MRC1: variants seen among roughly 807,000 people sequenced by gnomAD.
MRC1 encodes macrophage mannose receptor 1.
In MRC1, 62 loss-of-function variants were observed where a neutral mutation model predicts 102.9. That is an observed-to-expected ratio of 0.60 (90% CI 0.49 to 0.74). The LOEUF (loss-of-function observed/expected upper bound fraction) is 0.74, where lower values mean the gene tolerates loss of function less well. Among genes scored for constraint, MRC1 ranks in the 30% least tolerant of loss-of-function variants. The probability of loss-of-function intolerance (pLI) is 0.00; values close to 1 mark genes in which losing one functional copy is unlikely to be tolerated. For synonymous variants in MRC1, 457 were observed against 298.4 expected, an observed-to-expected ratio of 1.53 and a Z score of -5.48; for missense variants, 1,237 against 862.8, an observed-to-expected ratio of 1.43 and a Z score of -5.43.
chr10:17,818,492 G>A (rs1174359846), intron 1 of MRC1, among the ~76,000 whole-genome samples: 8 of 152,294 alleles, frequency 5.3e-5, no homozygotes, highest in African/African-American at 1.7e-4. Context: ...AATAAAATGA[G>A]TTAGGATGAT....
chr10:17,822,876 G>A (rs1274522763), intron 1 of MRC1, among the ~76,000 whole-genome samples, 198 bp from the exon 2 acceptor site: 2 of 152,086 alleles, frequency 1.3e-5, no homozygotes, highest in Non-Finnish European at 2.9e-5. Context: ...CTCAGTCCAG[G>A]TTCTCCTTCC....
chr10:17,813,771 C>A (rs1838264294), intron 1 of MRC1, among the ~76,000 whole-genome samples: 1 of 149,920 alleles, frequency 6.7e-6, no homozygotes. Context: ...GATCATTGCT[C>A]ACTGTAGCCT....
chr10:17,810,161 C>T (rs920312526), intron 1 of MRC1, among the ~76,000 whole-genome samples: 36 of 152,260 alleles, frequency 2.4e-4, no homozygotes, highest in Non-Finnish European at 4.7e-4. Flanking sequence ...TTAGAGATTA[C>T]TCATTAGGAA....
At position 17,850,288 on chromosome 10, in the gene MRC1, C is replaced by G. The variant is rs1385695282; in HGVS notation, c.1249+524C>G. Among the ~76,000 whole-genome samples, 5 of 129,084 alleles carry G rather than the reference C, an allele frequency of 3.9e-5. No homozygotes were observed. In the East Asian group the frequency reaches 1.2e-3, roughly 30 times the overall value. The allele number at this position is 129,084 out of a possible 152,430, so 84.7% of individuals were successfully genotyped here. ...TTTTTTTGAAATGGTTAGATGTCAG[C>G]CTAAACCTTTTAAAGGAATATATTT... On this transcript the variant is annotated intron_variant, in intron 7 of 29. Transcript: ENST00000569591.
chr10:17,816,740 T>A (rs1217716433), intron 1 of MRC1, among the ~76,000 whole-genome samples: 6 of 152,216 alleles, frequency 3.9e-5, no homozygotes, highest in African/African-American at 1.4e-4. Flanking sequence ...TCCTCTTATC[T>A]GGCTTCTCTG....
chr10:17,895,378 C>T (rs1833740363), intron 23 of MRC1, among the ~76,000 whole-genome samples: 1 of 151,196 alleles, frequency 6.6e-6, no homozygotes, highest in African/African-American at 2.4e-5. Flanking sequence ...TTTTTTTAAC[C>T]AGACAGTTTT....
Position 17,809,412 on chromosome 10 carries a change from G to A in MRC1, c.-54G>A, listed in dbSNP as rs990844800. On this transcript the variant is annotated 5_prime_UTR_variant, in exon 1 of 30. Transcript: ENST00000569591. ...CAGTTGGGGGGCCTCGTTGTTTTGC[G>A]TCTTAGTTCCGCCCTCCTGTCCATC... 33 of 870,808 alleles carry A rather than the reference G, an allele frequency of 3.8e-5. No homozygotes were observed. Among genetic ancestry groups the A allele is most frequent in the East Asian group, 2.9e-4 (12 of 41,684 alleles). The allele number at this position is 870,808 out of a possible 1,614,324, so 53.9% of individuals were successfully genotyped here.
chr10:17,836,616 C>T (rs1256153715), intron 4 of MRC1, among the ~76,000 whole-genome samples: 1 of 152,072 alleles, frequency 6.6e-6, no homozygotes, highest in Non-Finnish European at 1.5e-5. Flanking sequence ...GGGTGGATCA[C>T]CTGAGGTCAG....
intron 5 of MRC1, among the ~76,000 whole-genome samples, chr10:17,841,357 T>A (rs1838746537): frequency 6.6e-6 from 1 of 152,208 alleles, no homozygotes; most frequent in African/African-American, 2.4e-5. Flanking sequence ...TAACACCCAC[T>A]TTTCCTGTTT....
At chr10:17,829,291 A>G (rs959834782) in intron 3 of MRC1, among the ~76,000 whole-genome samples, 2 of 151,544 alleles carry the variant, frequency 1.3e-5, no homozygotes, top group Non-Finnish European at 2.9e-5. Context: ...TGACGAACAA[A>G]AGCCAGAATT....
intron 7 of MRC1, among the ~76,000 whole-genome samples, chr10:17,850,154 C>T (rs1001165098): frequency 6.6e-6 from 1 of 151,386 alleles, no homozygotes; most frequent in African/African-American, 2.4e-5. Flanking sequence ...ATTTTATCTC[C>T]TAAAAAAGAT....
intron 16 of MRC1, 40 bp downstream of exon 16, chr10:17,873,865 C>T (rs1210621895): frequency 1.2e-6 from 1 of 868,422 alleles, no homozygotes. Flanking sequence ...TACTGATAAC[C>T]CTTTCTCCGC....
In MRC1 at chr10:17,809,487, G is replaced by T; in HGVS notation, c.22G>T (p.Val8Phe). Reference protein sequence around the residue: MRLPLLLVFASVIPGAVL... With the variant: MRLPLLLFFASVIPGAVL... ...GGCCATGAGGCTACCCCTGCTCCTG[G>T]TTTTTGCCTCTGTCATTCCGGGTGC... is the stretch of plus-strand genomic sequence containing the variant. Residue 8 changes from valine (V) to phenylalanine (F), a missense_variant, in exon 1 of 30, where the codon GTT becomes TTT. Transcript: ENST00000569591. The T allele has an allele frequency of 1.1e-6, 1 of 872,782 alleles. No individual in the cohort carries two copies. The highest frequency in any genetic ancestry group is 2.0e-6 in the Non-Finnish European group (1 of 501,516). The allele number at this position is 872,782 out of a possible 1,614,324, so 54.1% of individuals were successfully genotyped here.
chr10:17,906,333 TG>T (rs1833894795), intron 26 of MRC1, among the ~76,000 whole-genome samples: 1 of 149,526 alleles, frequency 6.7e-6, no homozygotes, highest in Admixed American at 6.7e-5. Flanking sequence ...ACCAGATTGG[TG>T]CTATACTCCA....
At chr10:17,812,786 T>A (rs1838245051) in intron 1 of MRC1, among the ~76,000 whole-genome samples, 1 of 152,046 alleles carries the variant, frequency 6.6e-6, no homozygotes, top group South Asian at 2.1e-4. Context: ...TTGGCCAGGC[T>A]GGTCTTGAAC....
chr10:17,906,248 T>A (rs1833893139), intron 26 of MRC1, among the ~76,000 whole-genome samples: 1 of 152,012 alleles, frequency 6.6e-6, no homozygotes, highest in African/African-American at 2.4e-5. Context: ...TATCACCACA[T>A]TGCTCTTAAT....
chr10:17,861,825 C>T (rs989258496), intron 10 of MRC1, among the ~76,000 whole-genome samples: 31 of 152,036 alleles, frequency 2.0e-4, no homozygotes, highest in South Asian at 1.5e-3. Context: ...TAAAAGTTGC[C>T]GGCTCAAAAT....
chr10:17,819,697 C>A (rs1838366894), intron 1 of MRC1, among the ~76,000 whole-genome samples: 2 of 152,082 alleles, frequency 1.3e-5, no homozygotes, highest in Non-Finnish European at 2.9e-5. Flanking sequence ...AATCTCAGCA[C>A]TTTGGGAGGC....
At chr10:17,886,651 C>T (rs1444953758) in intron 22 of MRC1, among the ~76,000 whole-genome samples, 1 of 152,182 alleles carries the variant, frequency 6.6e-6, no homozygotes, top group Non-Finnish European at 1.5e-5. Context: ...ATCCACCTAC[C>T]TTGGCCTCCC....
Sources: gnomAD v4.1 joint callset for allele counts (sites outside exome capture counted in the v4.1 genomes callset) on GRCh38, gnomAD v4.1.1 for gene constraint, MANE v1.5 for transcripts, NCBI Gene and HGNC (gene_info 2026-07-23, HGNC 2026-07-21) for gene names.